The following CRACDL variants were observed in gnomAD, a reference collection of about 807,000 sequenced individuals.
CRACDL encodes the protein CRACD like.
Under a neutral mutation model 70.6 loss-of-function variants are expected in CRACDL, and 26 were observed. That is an observed-to-expected ratio of 0.37 (90% CI 0.27 to 0.51). The LOEUF is 0.51. Ranked by LOEUF, CRACDL falls within the 20% of genes least tolerant of loss-of-function variation. The pLI, the probability that CRACDL is intolerant of heterozygous loss-of-function variation, is 0.94. For synonymous variants in CRACDL, 618 were observed against 615.2 expected (o/e 1.00, Z -0.07); for missense variants, 1,283 against 1,376.9 (o/e 0.93, Z 1.08).
intron 5 of CRACDL, among the ~76,000 whole-genome samples, 165 bp from the exon 6 acceptor site, chr2:98,827,334 G>A (rs1705349167): frequency 6.6e-6 from 1 of 152,008 alleles, no homozygotes; most frequent in Non-Finnish European, 1.5e-5. Flanking sequence ...ATGGAGTCTT[G>A]TTCTGTCACC....
intron 1 of CRACDL, chr2:98,869,049 C>G (rs1245861003): frequency 3.1e-6 from 4 of 1,288,926 alleles, no homozygotes; most frequent in Non-Finnish European, 2.1e-6. Context: ...GACTCTCCCC[C>G]ACCACCTCTT....
chr2:98,922,777 T>C (rs867457502), intron 1 of CRACDL, among the ~76,000 whole-genome samples: 12 of 152,120 alleles, frequency 7.9e-5, no homozygotes, highest in South Asian at 4.1e-4. Context: ...CCAGGGAGGA[T>C]AGAGGGGCCT....
intron 2 of CRACDL, among the ~76,000 whole-genome samples, chr2:98,840,023 T>C (rs1049928949): frequency 6.6e-5 from 10 of 152,170 alleles, no homozygotes; most frequent in African/African-American, 2.2e-4. Context: ...TCTGTTCTTA[T>C]CTTTATTCTT....
intron 1 of CRACDL, among the ~76,000 whole-genome samples, chr2:98,901,460 G>C (rs909683220): frequency 7.9e-5 from 12 of 152,210 alleles, no homozygotes. Context: ...GCCCTGAAGG[G>C]CAGAGCAGAT....
chr2:98,884,393 C>G (rs1219205321), intron 1 of CRACDL, among the ~76,000 whole-genome samples: 1 of 152,208 alleles, frequency 6.6e-6, no homozygotes, highest in East Asian at 1.9e-4. Flanking sequence ...ACATGCAGGG[C>G]TGGAAGCAGG....
intron 1 of CRACDL, among the ~76,000 whole-genome samples, chr2:98,868,058 A>G (rs1012859632): frequency 4.6e-5 from 7 of 152,236 alleles, no homozygotes; most frequent in Admixed American, 3.9e-4. Context: ...GGGCAGAATC[A>G]GGCACTGAGG....
chr2:98,857,984 C>G (rs1706774882), intron 1 of CRACDL, among the ~76,000 whole-genome samples: 1 of 152,038 alleles, frequency 6.6e-6, no homozygotes, highest in African/African-American at 2.4e-5. Context: ...CTAACCACAA[C>G]AGAATCAAAT....
intron 7 of CRACDL, among the ~76,000 whole-genome samples, chr2:98,815,147 T>G (rs895328515): frequency 1.3e-5 from 2 of 152,234 alleles, no homozygotes; most frequent in African/African-American, 2.4e-5. Flanking sequence ...CTTTGTCTAA[T>G]AATTCTAACA....
chr2:98,848,828 T>C (rs1706364925), intron 1 of CRACDL, among the ~76,000 whole-genome samples: 1 of 152,206 alleles, frequency 6.6e-6, no homozygotes, highest in Admixed American at 6.5e-5. Flanking sequence ...GCTCAAGCAA[T>C]CTGCTTGCCT....
intron 1 of CRACDL, among the ~76,000 whole-genome samples, chr2:98,929,856 A>T (rs1709026466): frequency 6.6e-6 from 1 of 152,152 alleles, no homozygotes; most frequent in Non-Finnish European, 1.5e-5. Flanking sequence ...ACAGAGGAGG[A>T]GATACGAGCT....
chr2:98,887,881 A>G (rs1175850427), intron 1 of CRACDL, among the ~76,000 whole-genome samples: 2 of 152,254 alleles, frequency 1.3e-5, no homozygotes, highest in Non-Finnish European at 2.9e-5. Context: ...GTGGACCAAG[A>G]ACACTATATC....
chr2:98,884,544 T>A (rs1226472995), intron 1 of CRACDL, among the ~76,000 whole-genome samples: 2 of 152,216 alleles, frequency 1.3e-5, no homozygotes, highest in Admixed American at 6.5e-5. Flanking sequence ...TGATCCTATA[T>A]ACACAAAATT....
intron 1 of CRACDL, among the ~76,000 whole-genome samples, chr2:98,906,261 T>A (rs75645821): frequency 9.8e-6 from 1 of 102,214 alleles, no homozygotes; most frequent in Non-Finnish European, 2.4e-5. Context: ...TTTCTTTTCC[T>A]TTTTTTTTTT....
chr2:98,913,906 A>T (rs937820146), intron 1 of CRACDL, among the ~76,000 whole-genome samples: 1 of 152,240 alleles, frequency 6.6e-6, no homozygotes, highest in Non-Finnish European at 1.5e-5. Context: ...TGGGGAGAAT[A>T]TAAAGCCAGC....
chr2:98,876,433 C>T (rs571658298), intron 1 of CRACDL, among the ~76,000 whole-genome samples: 1 of 152,262 alleles, frequency 6.6e-6, no homozygotes, highest in Non-Finnish European at 1.5e-5. Flanking sequence ...GGCGAGCAAA[C>T]ATTACCCTCT....
chr2:98,860,942 T>A (rs989586749), intron 1 of CRACDL, among the ~76,000 whole-genome samples: 4 of 152,138 alleles, frequency 2.6e-5, no homozygotes, highest in Non-Finnish European at 5.9e-5. Context: ...GACAAAGGAT[T>A]TGAACATAAC....
At chr2:98,878,959 A>G (rs1448180846) in intron 1 of CRACDL, among the ~76,000 whole-genome samples, 2 of 152,144 alleles carry the variant, frequency 1.3e-5, no homozygotes, top group Non-Finnish European at 2.9e-5. Flanking sequence ...AGAAAAATGA[A>G]TGCTATGACC....
chr2:98,932,510 G>C (rs901624809), intron 1 of CRACDL, among the ~76,000 whole-genome samples: 1 of 152,168 alleles, frequency 6.6e-6, no homozygotes, highest in Non-Finnish European at 1.5e-5. Context: ...CACACAGGGG[G>C]TTGCTCTGAT....
In CRACDL at chr2:98,821,720, G is replaced by C. The variant is rs539171319; in HGVS notation, c.2416+137C>G. The C allele has an allele frequency of 1.6e-4, 187 of 1,148,504 alleles. 1 individual carries two copies. The South Asian group carries it at 1.7e-3, about 10-fold the overall frequency. 71.1% of individuals were successfully genotyped at this position (1,148,504 alleles called of 1,614,324 possible). A position where few individuals can be genotyped will look rare whatever the true frequency, so the allele number is the denominator to read the frequency against. ...TTGCTCTAGATCAGACATGATGTTA[G>C]TGGGAATTCTGACTCCTTCCAATTC... On this transcript the variant is annotated intron_variant, in intron 7 of 9. Transcript: ENST00000397899.
Sources: allele counts gnomAD v4.1 joint callset (sites outside exome capture counted in the v4.1 genomes callset), GRCh38; gene constraint gnomAD v4.1.1; transcripts MANE v1.5; gene names NCBI Gene and HGNC (gene_info 2026-07-23, HGNC 2026-07-21).